The following NRIP2 variants were observed in gnomAD, a reference collection of about 807,000 sequenced individuals.
NRIP2 encodes nuclear receptor interacting protein 2, also known as nuclear receptor-interacting protein 2.
Under a neutral mutation model 34.1 loss-of-function variants are expected in NRIP2, and 27 were observed. The ratio of observed to expected loss-of-function variants is 0.79; its 90% CI spans 0.58 to 1.09. NRIP2 has a LOEUF of 1.09. NRIP2 is among the 50% of genes least tolerant of loss of function. The pLI, the probability that NRIP2 is intolerant of heterozygous loss-of-function variation, is 0.00. For synonymous variants in NRIP2, 145 were observed against 146.9 expected, an observed-to-expected ratio of 0.99 and a Z score of 0.09; for missense variants, 385 against 352.6, an observed-to-expected ratio of 1.09 and a Z score of -0.74.
In NRIP2 at chr12:2,827,936, T is replaced by C. The variant is rs1348284526; in HGVS notation, c.690A>G (p.Ala230=). Reference sequence around the variant, plus strand: ...GAAGGGGGGACTTACCCACCACCTGTGCCGAGCACACCACAGTCTCCTGCC... The same window carrying C: ...GAAGGGGGGACTTACCCACCACCTGCGCCGAGCACACCACAGTCTCCTGCC... The part of the protein sequence containing the change: ...QLGQETVVCS[A]QVVDAESPEF... Residue 230 remains alanine (A), a synonymous_variant, in exon 4 of 6, where the codon GCA becomes GCG. Transcript: ENST00000337508. The surrounding 1 kb of genome is among the most constrained non-coding windows in gnomAD (Gnocchi z 4.0). 1 of 1,614,148 alleles carries C rather than the reference T, an allele frequency of 6.2e-7. No homozygotes were observed. The highest frequency in any genetic ancestry group is 1.1e-5 in the South Asian group (1 of 91,078).
At position 2,827,548 on chromosome 12, in the gene NRIP2, C is replaced by G. The variant is rs2097974582; in HGVS notation, c.753+77G>C. ...ATCTCTAAGTCACTCTCATCAGAAC[C>G]TGGTCCAGGTTCCACACCTGTGCCT... On this transcript the variant is annotated intron_variant, in intron 5 of 5. Transcript: ENST00000337508. The surrounding 1 kb of genome is among the most constrained non-coding windows in gnomAD (Gnocchi z 4.0). 1 of 1,607,816 alleles carries G rather than the reference C, an allele frequency of 6.2e-7. No individual in the cohort carries two copies. Among genetic ancestry groups the G allele is most frequent in the Non-Finnish European group, 8.5e-7 (1 of 1,177,662 alleles).
intron 3 of NRIP2, 126 bp from the exon 4 acceptor site, chr12:2,828,173 C>T: frequency 8.6e-7 from 1 of 1,165,390 alleles, no homozygotes; most frequent in Non-Finnish European, 1.3e-6. Context: ...GGTCTAAATC[C>T]TTGCCTTCTC....
intron 1 of NRIP2, 127 bp from the exon 2 acceptor site, chr12:2,830,987 GT>G: frequency 2.2e-6 from 2 of 918,786 alleles, no homozygotes; most frequent in Non-Finnish European, 3.2e-6. Flanking sequence ...TACCCTAGGA[GT>G]TTACCCTAGG....
At position 2,833,939 on chromosome 12, in the gene NRIP2, G is replaced by A. The variant is rs180891176; in HGVS notation, c.342+703C>T. Among the ~76,000 whole-genome samples, 322 of 152,294 alleles carry A rather than the reference G, an allele frequency of 2.1e-3. 3 individuals are homozygous for A. Among genetic ancestry groups the A allele is most frequent in the Non-Finnish European group, 1.1e-3 (73 of 68,038 alleles). On this transcript the variant is annotated intron_variant, in intron 1 of 5. Transcript: ENST00000337508. ...ATCTGATCCCAAGCGAAGTGGCTGC[G>A]CAGCCCCGCTTGTCAGCATTGCCTC...
rs368634638 is a variant in NRIP2 at position 2,830,738 on chromosome 12, T to A, written c.465A>T (p.Thr155=). 1.7e-5 allele frequency: 27 copies of A among 1,613,192 alleles called. No homozygotes were observed. In the Admixed American group the frequency reaches 1.8e-4, roughly 11 times the overall value. The change falls in exon 2 of 6, where the codon ACA becomes ACT. Residue 155 remains threonine, a synonymous_variant. Transcript: ENST00000337508. The part of the protein sequence containing the change: ...GQESRRKTSR[T]EIPALLVNCK... ...AGTTGACCAGAAGAGCTGGAATCTCTGTCCTGCTGGTCTTCCTCCTGCTCT... is the reference window on the plus strand; with the variant it reads ...AGTTGACCAGAAGAGCTGGAATCTCAGTCCTGCTGGTCTTCCTCCTGCTCT...
intron 1 of NRIP2, among the ~76,000 whole-genome samples, chr12:2,831,583 CA>C (rs1353741094): frequency 4.9e-4 from 68 of 140,062 alleles, no homozygotes; most frequent in Middle Eastern, 3.6e-3. Context: ...GACTCTGTCT[CA>C]AAAAAAAAAA....
intron 1 of NRIP2, 66 bp from the exon 2 acceptor site, chr12:2,830,926 C>T: frequency 1.9e-6 from 3 of 1,554,930 alleles, no homozygotes; most frequent in Non-Finnish European, 2.6e-6. Context: ...TGCTCAGTTA[C>T]CCCACTTAGA....
In NRIP2 at chr12:2,828,327, C is replaced by T. The variant is rs2097980512; in HGVS notation, c.578+5G>A. 5 of 1,613,768 alleles carry T rather than the reference C, an allele frequency of 3.1e-6. No individual in the cohort carries two copies. Among genetic ancestry groups the T allele is most frequent in the Admixed American group, 3.3e-5 (2 of 59,910 alleles). On this transcript the variant is annotated splice_donor_5th_base_variant and intron_variant, in intron 3 of 5. Transcript: ENST00000337508. Reference sequence around the variant, plus strand: ...CCCACTTGCTTGTTTGGGCCACATTCTTACCCCAGGCGGCTGAGACATCCA... The same window carrying T: ...CCCACTTGCTTGTTTGGGCCACATTTTTACCCCAGGCGGCTGAGACATCCA...
chr12:2,831,969 T>C (rs2098005496), intron 1 of NRIP2, among the ~76,000 whole-genome samples: 1 of 152,150 alleles, frequency 6.6e-6, no homozygotes, highest in African/African-American at 2.4e-5. Context: ...GAACACCTTC[T>C]TAAGTTCATA....
chr12:2,827,759 CT>C lies in NRIP2; in HGVS notation c.701-83del. 6.2e-7 allele frequency: 1 copy of C among 1,610,030 alleles called. No individual in the cohort carries two copies. Among genetic ancestry groups the C allele is most frequent in the South Asian group, 1.1e-5 (1 of 90,680 alleles). ...CCTCCTCTTAGCCGTTGCTCCTTCT[CT>C]GCCCACCCCATCCCCAGATCCGAGG... is the stretch of plus-strand genomic sequence containing the variant. On this transcript the variant is annotated intron_variant, in intron 4 of 5. Coordinates refer to ENST00000337508, the MANE Select transcript of NRIP2 (RefSeq NM_031474.3). This position sits in a 1 kb window ranked among gnomAD's most constrained non-coding sequence, Gnocchi z 4.0.
In NRIP2 at chr12:2,828,428, A is replaced by G. The variant is rs759539709; in HGVS notation, c.496-14T>C. 4 of 1,607,406 alleles carry G rather than the reference A, an allele frequency of 2.5e-6. No homozygotes were observed. The highest frequency in any genetic ancestry group is 4.5e-5 in the East Asian group (2 of 44,828). ...CTGGTCCTGGCACTAAGAAAGAAGA[A>G]TCGTGGTGAATCAGTGAGTCCCTAG... is the stretch of plus-strand genomic sequence containing the variant. On this transcript the variant is annotated splice_polypyrimidine_tract_variant and intron_variant, in intron 2 of 5. Transcript: ENST00000337508.
chr12:2,833,394 C>T (rs2098013058), intron 1 of NRIP2, among the ~76,000 whole-genome samples: 1 of 152,098 alleles, frequency 6.6e-6, no homozygotes, highest in South Asian at 2.1e-4. Context: ...AGTGCAATCC[C>T]TTTTCTCGTT....
intron 1 of NRIP2, among the ~76,000 whole-genome samples, chr12:2,831,956 T>C (rs910820047): frequency 2.6e-5 from 4 of 152,132 alleles, no homozygotes; most frequent in African/African-American, 9.7e-5. Flanking sequence ...TCTCGGATCC[T>C]TGGAACACCT....
intron 1 of NRIP2, among the ~76,000 whole-genome samples, chr12:2,833,851 T>C (rs996876026): frequency 6.6e-6 from 1 of 152,154 alleles, no homozygotes; most frequent in Non-Finnish European, 1.5e-5. Context: ...ATTTAACAGA[T>C]GAAGAAACTG....
chr12:2,828,130 A>G (rs964118310), intron 3 of NRIP2, 83 bp from the exon 4 acceptor site: 4 of 1,372,582 alleles, frequency 2.9e-6, no homozygotes, highest in Non-Finnish European at 4.1e-6. Flanking sequence ...CCTCTCTACT[A>G]TGGTTTCATC....
chr12:2,833,187 C>T (rs915175905), intron 1 of NRIP2, among the ~76,000 whole-genome samples: 2 of 151,866 alleles, frequency 1.3e-5, no homozygotes, highest in Non-Finnish European at 2.9e-5. Context: ...CATTAGAAGG[C>T]GGGACCTGCC....
intron 1 of NRIP2, among the ~76,000 whole-genome samples, chr12:2,832,859 A>T (rs562629106): frequency 1.3e-4 from 20 of 151,228 alleles, no homozygotes; most frequent in Admixed American, 9.3e-4. Flanking sequence ...CTACCCTTAG[A>T]TTAATGAGGC....
chr12:2,827,762 C>T lies in NRIP2; in HGVS notation c.701-85G>A. 1 of 1,609,304 alleles carries T rather than the reference C, an allele frequency of 6.2e-7. No individual in the cohort carries two copies. The highest frequency in any genetic ancestry group is 8.5e-7 in the Non-Finnish European group (1 of 1,178,294). ...CCTCTTAGCCGTTGCTCCTTCTCTG[C>T]CCACCCCATCCCCAGATCCGAGGAC... On this transcript the variant is annotated intron_variant, in intron 4 of 5. Transcript: ENST00000337508. The surrounding 1 kb of genome is among the most constrained non-coding windows in gnomAD (Gnocchi z 4.0).
chr12:2,827,846 A>C lies in NRIP2; in HGVS notation c.700+80T>G. On this transcript the variant is annotated intron_variant, in intron 4 of 5. Coordinates refer to ENST00000337508, the MANE Select transcript of NRIP2 (RefSeq NM_031474.3). The surrounding 1 kb of genome is among the most constrained non-coding windows in gnomAD (Gnocchi z 4.0). Reference sequence around the variant, plus strand: ...TCTGGGAACTCCTCGTGCTGCAGGGAGTGAAAGTCTCAGCCTTTGCCCCAC... The same window carrying C: ...TCTGGGAACTCCTCGTGCTGCAGGGCGTGAAAGTCTCAGCCTTTGCCCCAC... 1 of 1,608,994 alleles carries C rather than the reference A, an allele frequency of 6.2e-7. No homozygotes were observed.
Sources: allele counts gnomAD v4.1 joint callset (sites outside exome capture counted in the v4.1 genomes callset), GRCh38; gene constraint gnomAD v4.1.1; non-coding constraint Gnocchi (gnomAD v3.1); transcripts MANE v1.5; gene names NCBI Gene and HGNC (gene_info 2026-07-23, HGNC 2026-07-21).